The following INTS15 variants were observed in gnomAD, a reference collection of about 807,000 sequenced individuals.
INTS15 encodes the protein integrator complex subunit 15, also known as uncharacterized protein C7orf26.
At chr7:6,608,420 G>C in the INTS15 span, 8 of 1,365,856 alleles carry the variant, frequency 5.9e-6, no homozygotes, top group Admixed American at 6.8e-5. Context: ...GATCCTGGGA[G>C]CCTCTGTTCT....
the INTS15 span, among the ~76,000 whole-genome samples, chr7:6,592,920 ATTT>A: frequency 6.6e-6 from 1 of 152,034 alleles, no homozygotes; most frequent in South Asian, 2.1e-4. Context: ...TAAGAATAAG[ATTT>A]TAAGAGAAAT....
the INTS15 span, chr7:6,590,065 C>T: frequency 1.0e-5 from 3 of 292,812 alleles, no homozygotes; most frequent in East Asian, 6.1e-5. Flanking sequence ...CCGGCGGCTC[C>T]TGGCGGCGCC....
the INTS15 span, chr7:6,607,694 C>T: frequency 3.7e-5 from 56 of 1,525,312 alleles, no homozygotes; most frequent in Non-Finnish European, 4.6e-5. The surrounding 1 kb of genome is among the most constrained non-coding windows in gnomAD (Gnocchi z 6.0). Context: ...GTGGAGGCCA[C>T]CTGTGTGGGC....
chr7:6,608,083 C>CG, the INTS15 span: 1 of 1,542,806 alleles, frequency 6.5e-7, no homozygotes, highest in Non-Finnish European at 8.8e-7. Context: ...CCCACCCCGC[C>CG]GCCCACCCCG....
At chr7:6,599,759 C>G in the INTS15 span, 1 of 1,492,174 alleles carries the variant, frequency 6.7e-7, no homozygotes, top group Non-Finnish European at 9.2e-7. Context: ...GGTCAGGCTT[C>G]CCTCTCTCCA....
At chr7:6,590,763 A>T in the INTS15 span, among the ~76,000 whole-genome samples, 2 of 151,826 alleles carry the variant, frequency 1.3e-5, no homozygotes, top group Non-Finnish European at 2.9e-5. Flanking sequence ...CGAAAGGCTC[A>T]TCCTGAACCC....
At chr7:6,607,471 G>C in the INTS15 span, 1 of 1,236,168 alleles carries the variant, frequency 8.1e-7, no homozygotes, top group East Asian at 5.7e-5. The surrounding 1 kb of genome is among the most constrained non-coding windows in gnomAD (Gnocchi z 6.0). Context: ...CCGGAGGTCT[G>C]TAACGGCTGG....
the INTS15 span, chr7:6,590,422 C>T: frequency 6.2e-7 from 1 of 1,603,560 alleles, no homozygotes; most frequent in South Asian, 1.1e-5. Context: ...CCCCGTGGAG[C>T]TGCTGGAGGA....
the INTS15 span, chr7:6,591,662 A>G: frequency 6.2e-7 from 1 of 1,614,158 alleles, no homozygotes; most frequent in Non-Finnish European, 8.5e-7. Context: ...AATTCCCTTC[A>G]GGAGCTTCAA....
At chr7:6,590,121 G>A in the INTS15 span, 13 of 481,070 alleles carry the variant, frequency 2.7e-5, no homozygotes, top group Non-Finnish European at 3.5e-5. Context: ...AGCAGCGATG[G>A]CCCCCTGAGC....
chr7:6,590,143 A>G, the INTS15 span: 1 of 629,720 alleles, frequency 1.6e-6, no homozygotes, highest in Non-Finnish European at 2.3e-6. Flanking sequence ...GGCAGGGAGC[A>G]GGCGGCGGCA....
chr7:6,599,890 A>G, the INTS15 span: 2 of 1,614,196 alleles, frequency 1.2e-6, no homozygotes, highest in South Asian at 1.1e-5. Context: ...TTGAGGACCC[A>G]AGGTTGATTC....
chr7:6,608,428 T>G, the INTS15 span: 1 of 1,346,212 alleles, frequency 7.4e-7, no homozygotes, highest in South Asian at 1.6e-5. Flanking sequence ...GAGCCTCTGT[T>G]CTCTGCGCAT....
the INTS15 span, among the ~76,000 whole-genome samples, chr7:6,595,296 G>A: frequency 6.6e-6 from 1 of 152,020 alleles, no homozygotes; most frequent in Admixed American, 6.6e-5. Context: ...CTGAGTAGTC[G>A]GGACCACAGG....
chr7:6,590,633 C>T, the INTS15 span, among the ~76,000 whole-genome samples: 2 of 152,168 alleles, frequency 1.3e-5, no homozygotes, highest in Non-Finnish European at 2.9e-5. Context: ...AACCCTTCTC[C>T]GGGTCCTGCA....
chr7:6,590,047 G>C, the INTS15 span: 5 of 245,874 alleles, frequency 2.0e-5, no homozygotes, highest in Admixed American at 5.6e-5. Context: ...GCTGCGCGGC[G>C]GCAGCTCCCG....
chr7:6,602,987 C>A, the INTS15 span, among the ~76,000 whole-genome samples: 2 of 152,126 alleles, frequency 1.3e-5, no homozygotes, highest in Non-Finnish European at 2.9e-5. Context: ...TGGTGGCTCA[C>A]GCCTGTAATC....
chr7:6,601,430 G>T, the INTS15 span, among the ~76,000 whole-genome samples: 1 of 151,730 alleles, frequency 6.6e-6, no homozygotes, highest in East Asian at 1.9e-4. Flanking sequence ...CAAGTAGCTG[G>T]GATTACAGGT....
At chr7:6,601,460 T>G in the INTS15 span, among the ~76,000 whole-genome samples, 2 of 152,012 alleles carry the variant, frequency 1.3e-5, no homozygotes, top group African/African-American at 4.8e-5. Context: ...CACGTCTGGC[T>G]AATTTTTGTA....
Sources: gnomAD v4.1 joint callset for allele counts (sites outside exome capture counted in the v4.1 genomes callset) on GRCh38, gnomAD v4.1.1 for gene constraint, Gnocchi (gnomAD v3.1) non-coding constraint, MANE v1.5 for transcripts, NCBI Gene and HGNC (gene_info 2026-07-23, HGNC 2026-07-21) for gene names.